ESR1: variants seen among roughly 807,000 people sequenced by gnomAD.
ESR1 encodes the protein estrogen receptor 1.
Under a neutral mutation model 52.7 loss-of-function variants are expected in ESR1, and 12 were observed. That is an observed-to-expected ratio of 0.23 (90% CI 0.15 to 0.37). The LOEUF (loss-of-function observed/expected upper bound fraction) is 0.37, where lower values mean the gene tolerates loss of function less well. ESR1 is among the 10% of genes least tolerant of loss of function. The pLI, the probability that ESR1 is intolerant of heterozygous loss-of-function variation, is 1.00. For synonymous variants in ESR1, 305 were observed against 316.8 expected, an observed-to-expected ratio of 0.96 and a Z score of 0.39; for missense variants, 584 against 779.7, an observed-to-expected ratio of 0.75 and a Z score of 2.99.
At chr6:151,766,936 T>C (rs575585383) in intron 2 of ESR1, among the ~76,000 whole-genome samples, 1 of 152,354 alleles carries the variant, frequency 6.6e-6, no homozygotes, top group African/African-American at 2.4e-5. Context: ...ATGACAGATA[T>C]AGTTGAGCAA....
chr6:151,877,387 G>A (rs1029565119), intron 2 of ESR1, among the ~76,000 whole-genome samples: 2 of 152,002 alleles, frequency 1.3e-5, no homozygotes, highest in Non-Finnish European at 2.9e-5. Context: ...AATAGTGTTT[G>A]GTTAATAAGA....
At chr6:152,091,240 C>T (rs2050154136) in intron 6 of ESR1, among the ~76,000 whole-genome samples, 1 of 152,356 alleles carries the variant, frequency 6.6e-6, no homozygotes, top group Middle Eastern at 3.4e-3. Context: ...ACAGGCAGCA[C>T]ACATGGACCA....
chr6:151,740,285 ATTTTT>A (rs386408967), intron 2 of ESR1, among the ~76,000 whole-genome samples: 50 of 107,984 alleles, frequency 4.6e-4, no homozygotes, highest in African/African-American at 1.2e-3. Flanking sequence ...TGCCTGGCTA[ATTTTT>A]TTTTTTTTTT....
intron 5 of ESR1, among the ~76,000 whole-genome samples, chr6:152,049,851 G>T (rs555677445): frequency 1.3e-5 from 2 of 152,310 alleles, no homozygotes; most frequent in Admixed American, 1.3e-4. Flanking sequence ...CCACCCCATA[G>T]TAGTCAGGGA....
At chr6:151,840,022 T>G (rs993292169) in intron 1 of ESR1, among the ~76,000 whole-genome samples, 2 of 152,212 alleles carry the variant, frequency 1.3e-5, no homozygotes, top group African/African-American at 2.4e-5. Context: ...GGGAAGATAC[T>G]TGACACATTG....
At chr6:151,812,302 T>TTGCCCCC (rs1229444678) in intron 1 of ESR1, among the ~76,000 whole-genome samples, 4 of 152,194 alleles carry the variant, frequency 2.6e-5, no homozygotes, top group African/African-American at 9.6e-5. Context: ...GGTGCTTTCA[T>TTGCCCCC]AGGCTAAAAA....
At chr6:152,001,657 AAT>A (rs1199893463) in intron 4 of ESR1, among the ~76,000 whole-genome samples, 2 of 151,956 alleles carry the variant, frequency 1.3e-5, no homozygotes, top group African/African-American at 4.8e-5. Flanking sequence ...GTTAAAGAAA[AAT>A]AGTTTCTGGC....
At chr6:151,717,144 G>A (rs982337766) in intron 2 of ESR1, among the ~76,000 whole-genome samples, 54 of 152,286 alleles carry the variant, frequency 3.5e-4, no homozygotes, top group African/African-American at 1.3e-3. Context: ...CCCAGGTGAG[G>A]CGATGCCCCA....
intron 5 of ESR1, among the ~76,000 whole-genome samples, chr6:152,025,203 C>G (rs537423710): frequency 5.5e-5 from 7 of 128,192 alleles, no homozygotes; most frequent in African/African-American, 1.7e-4. Context: ...GTCTTCATCA[C>G]GCTTTTTTTT....
intron 6 of ESR1, among the ~76,000 whole-genome samples, chr6:152,116,033 G>A: frequency 6.6e-6 from 1 of 152,126 alleles, no homozygotes; most frequent in East Asian, 1.9e-4. Context: ...AATAATTTGG[G>A]AATAAGTCCC....
Position 151,999,388 on chromosome 6 carries a change from G to A in ESR1, c.1097-12268G>A, listed in dbSNP as rs144480989. On this transcript the variant is annotated intron_variant, in intron 4 of 7. Coordinates refer to ENST00000206249, the MANE Select transcript of ESR1 (RefSeq NM_000125.4). The stretch of plus-strand genomic sequence containing the variant: ...ATAGTTGATGAAGTGAGTCATCATC[G>A]ACAGTGAGTCACTAAGGCCAACTCT... Among the ~76,000 whole-genome samples, 20 of 152,028 alleles carry A rather than the reference G, an allele frequency of 1.3e-4. No homozygotes were observed. In the East Asian group the frequency reaches 3.7e-3, roughly 28 times the overall value.
At chr6:151,975,259 A>G (rs1475332973) in intron 4 of ESR1, among the ~76,000 whole-genome samples, 1 of 152,220 alleles carries the variant, frequency 6.6e-6, no homozygotes, top group African/African-American at 2.4e-5. Flanking sequence ...CACACAAAGT[A>G]AAAGAATGGA....
At chr6:151,705,392 T>A in intron 2 of ESR1, among the ~76,000 whole-genome samples, 1 of 152,124 alleles carries the variant, frequency 6.6e-6, no homozygotes, top group East Asian at 1.9e-4. Flanking sequence ...GGGTTAATGA[T>A]CTATATCATT....
chr6:151,680,146 TG>T, intron 1 of ESR1, among the ~76,000 whole-genome samples: 1 of 151,990 alleles, frequency 6.6e-6, no homozygotes, highest in Non-Finnish European at 1.5e-5. Flanking sequence ...CAGCATGGTC[TG>T]GTTCTGGTGA....
chr6:152,095,101 A>T (rs904102183), intron 7 of ESR1, among the ~76,000 whole-genome samples: 1 of 152,062 alleles, frequency 6.6e-6, no homozygotes, highest in African/African-American at 2.4e-5. Flanking sequence ...CAGTCACTGG[A>T]TGTGTATCCC....
chr6:152,122,033 A>G, intron 6 of ESR1: 1 of 279,656 alleles, frequency 3.6e-6, no homozygotes, highest in Non-Finnish European at 6.9e-6. Flanking sequence ...CGACACTGAC[A>G]TGGTGCTTGG....
At chr6:152,000,074 C>T (rs1466552652) in intron 4 of ESR1, among the ~76,000 whole-genome samples, 1 of 151,950 alleles carries the variant, frequency 6.6e-6, no homozygotes, top group East Asian at 1.9e-4. Flanking sequence ...ATGATAGGTA[C>T]CATTTATTTG....
At chr6:151,712,285 C>T (rs1450660549) in intron 2 of ESR1, among the ~76,000 whole-genome samples, 1 of 152,108 alleles carries the variant, frequency 6.6e-6, no homozygotes, top group African/African-American at 2.4e-5. Context: ...CATGATCCCT[C>T]CAGCTTTCTT....
intron 1 of ESR1, among the ~76,000 whole-genome samples, chr6:151,683,194 A>G (rs1015577153): frequency 1.3e-5 from 2 of 152,078 alleles, no homozygotes; most frequent in African/African-American, 4.8e-5. Flanking sequence ...CCTATTTCAA[A>G]TACTTTGACG....
Sources: gnomAD v4.1 joint callset for allele counts (sites outside exome capture counted in the v4.1 genomes callset) on GRCh38, gnomAD v4.1.1 for gene constraint, MANE v1.5 for transcripts, NCBI Gene and HGNC (gene_info 2026-07-23, HGNC 2026-07-21) for gene names.